Variants in DTWD2 observed in about 807,000 individuals in gnomAD.
The protein encoded by DTWD2 is DTW motif tRNA-uridine aminocarboxypropyltransferase 2, also known as tRNA-uridine aminocarboxypropyltransferase 2.
A neutral mutation model predicts 31.8 loss-of-function variants in DTWD2; 39 were observed. The ratio of observed to expected loss-of-function variants is 1.22; its 90% confidence interval spans 0.95 to 1.60. The LOEUF (loss-of-function observed/expected upper bound fraction) is 1.60. Ranked by LOEUF, DTWD2 falls within the 40% of genes most tolerant of loss-of-function variation. DTWD2 has a pLI of 0.00. For synonymous variants in DTWD2, 180 were observed against 142.8 expected, an observed-to-expected ratio of 1.26 and a Z score of -1.86; for missense variants, 515 against 381.5, an observed-to-expected ratio of 1.35 and a Z score of -2.92.
At chr5:118,866,938 A>C (rs1459892737) in intron 4 of DTWD2, among the ~76,000 whole-genome samples, 1 of 152,130 alleles carries the variant, frequency 6.6e-6, no homozygotes, top group East Asian at 1.9e-4. Flanking sequence ...TGAAAATAAA[A>C]AAATAAACTA....
intron 1 of DTWD2, among the ~76,000 whole-genome samples, chr5:118,953,675 T>C (rs138512789): frequency 5.3e-5 from 8 of 152,312 alleles, no homozygotes; most frequent in East Asian, 1.9e-4. Flanking sequence ...CCTGAGAGCA[T>C]AAAGTTATTA....
intron 1 of DTWD2, among the ~76,000 whole-genome samples, chr5:118,983,591 G>T (rs1755356270): frequency 1.3e-5 from 2 of 151,874 alleles, no homozygotes. Flanking sequence ...ATAAGGAAAA[G>T]GTAATGATAT....
At chr5:118,952,916 A>G (rs1439573942) in intron 1 of DTWD2, among the ~76,000 whole-genome samples, 2 of 152,104 alleles carry the variant, frequency 1.3e-5, no homozygotes, top group African/African-American at 2.4e-5. Flanking sequence ...TTAGATTCCT[A>G]TTAATACTTC....
chr5:118,851,728 C>T (rs893170172), intron 4 of DTWD2, among the ~76,000 whole-genome samples: 8 of 150,530 alleles, frequency 5.3e-5, no homozygotes, highest in East Asian at 2.0e-4. Context: ...TTTGGAGATA[C>T]ACCTAATGTT....
At position 118,847,473 on chromosome 5, in the gene DTWD2, A is replaced by C. The variant is rs146161575; in HGVS notation, c.726+617T>G. Among the ~76,000 whole-genome samples the C allele has an allele frequency of 5.0e-3, 755 of 152,256 alleles. 7 individuals are homozygous for C. The highest frequency in any genetic ancestry group is 7.5e-3 in the Non-Finnish European group (510 of 67,988). Reference sequence around the variant, plus strand: ...ACAAATGCTGTTTCTTGCATGTTCCAAAAGACTGAGATGTTAGTAAGCACA... The same window carrying C: ...ACAAATGCTGTTTCTTGCATGTTCCCAAAGACTGAGATGTTAGTAAGCACA... On this transcript the variant is annotated intron_variant, in intron 5 of 5. Coordinates refer to ENST00000510708, the MANE Select transcript of DTWD2 (RefSeq NM_173666.4).
intron 1 of DTWD2, among the ~76,000 whole-genome samples, chr5:118,946,403 G>A (rs1240725777): frequency 6.6e-6 from 1 of 152,140 alleles, no homozygotes; most frequent in African/African-American, 2.4e-5. Flanking sequence ...CAAACAGATC[G>A]AGGACTGCTA....
At chr5:118,892,001 G>C (rs1040263407) in intron 4 of DTWD2, among the ~76,000 whole-genome samples, 10 of 151,980 alleles carry the variant, frequency 6.6e-5, no homozygotes, top group African/African-American at 2.4e-4. Context: ...ATTTAAAGGA[G>C]TAAAAAAGGT....
At position 118,839,218 on chromosome 5, in the gene DTWD2, A is replaced by G. The variant is rs1751650844; in HGVS notation, c.*1699T>C. On this transcript the variant is annotated 3_prime_UTR_variant, in exon 6 of 6. Coordinates refer to ENST00000510708, the MANE Select transcript of DTWD2 (RefSeq NM_173666.4). ...AAGAAACTCATGAAGTTTAATATCA[A>G]TGTGAAAAATTACTACAAAATGATT... 6.6e-6 allele frequency: 1 copy of G among 152,080 alleles called. No homozygotes were observed. Among genetic ancestry groups the G allele is most frequent in the African/African-American group, 2.4e-5 (1 of 41,434 alleles). The allele number at this position is 152,080 out of a possible 1,614,324, so 9.4% of individuals were successfully genotyped here.
intron 4 of DTWD2, among the ~76,000 whole-genome samples, chr5:118,926,585 CA>C (rs1482399120): frequency 6.6e-6 from 1 of 152,018 alleles, no homozygotes; most frequent in Non-Finnish European, 1.5e-5. Flanking sequence ...AGAAAGAAAT[CA>C]AAACAACTTA....
intron 1 of DTWD2, among the ~76,000 whole-genome samples, chr5:118,965,299 C>A (rs1694883352): frequency 6.8e-6 from 1 of 147,780 alleles, no homozygotes; most frequent in African/African-American, 2.5e-5. Flanking sequence ...CCTCCCCGTC[C>A]GGGAGGTGGG....
In DTWD2 at chr5:118,848,653, G is replaced by C. The variant is rs142896997; in HGVS notation, c.598-435C>G. On this transcript the variant is annotated intron_variant, in intron 4 of 5. Transcript: ENST00000510708. ...CTACAAGGCTACAGTAACCAAAATA[G>C]CAAGGTACTGGTACCAAAACAGATA... 2.9e-3 allele frequency among the ~76,000 whole-genome samples: 437 copies of C among 152,254 alleles called. 3 individuals are homozygous for C. The highest frequency in any genetic ancestry group is 9.9e-3 in the African/African-American group (412 of 41,544).
intron 4 of DTWD2, among the ~76,000 whole-genome samples, chr5:118,910,472 C>T (rs1307912683): frequency 6.6e-6 from 1 of 152,188 alleles, no homozygotes; most frequent in African/African-American, 2.4e-5. Context: ...TTTTTACCAA[C>T]ATTTTAATCA....
chr5:118,980,398 G>T (rs1485677272), intron 1 of DTWD2, among the ~76,000 whole-genome samples: 1 of 152,200 alleles, frequency 6.6e-6, no homozygotes, highest in Non-Finnish European at 1.5e-5. Context: ...TGTGCCTTGA[G>T]TAATAAAGTC....
At chr5:118,910,592 T>C (rs1325578920) in intron 4 of DTWD2, among the ~76,000 whole-genome samples, 1 of 152,200 alleles carries the variant, frequency 6.6e-6, no homozygotes, top group African/African-American at 2.4e-5. Flanking sequence ...TGTAGGCTTT[T>C]TCTAGCATGT....
rs533712194 is a variant in DTWD2, at chr5:118,855,489, A to G, written c.598-7271T>C. On this transcript the variant is annotated intron_variant, in intron 4 of 5. Coordinates refer to ENST00000510708, the MANE Select transcript of DTWD2 (RefSeq NM_173666.4). ...AACTGTTTGATAATACTGCATATAA[A>G]TGGATACCAAGTATATTATACCAAT... 1.2e-4 allele frequency among the ~76,000 whole-genome samples: 19 copies of G among 152,140 alleles called. No individual in the cohort carries two copies. In the South Asian group the frequency reaches 3.1e-3, roughly 25 times the overall value.
intron 5 of DTWD2, among the ~76,000 whole-genome samples, chr5:118,847,677 G>C (rs1021930513): frequency 4.6e-5 from 7 of 151,090 alleles, no homozygotes; most frequent in African/African-American, 1.5e-4. Flanking sequence ...CAGAAAGTTA[G>C]TATACGGCAC....
intron 3 of DTWD2, among the ~76,000 whole-genome samples, chr5:118,929,096 A>G (rs533669566): frequency 1.2e-3 from 178 of 152,352 alleles, no homozygotes; most frequent in Non-Finnish European, 2.0e-3. Flanking sequence ...GCACTGCCTA[A>G]CAATCCTAGC....
chr5:118,892,588 CTTAAA>C (rs905423597), intron 4 of DTWD2, among the ~76,000 whole-genome samples: 2 of 151,956 alleles, frequency 1.3e-5, no homozygotes, highest in African/African-American at 4.8e-5. Flanking sequence ...ATAAATTATA[CTTAAA>C]TTAATTTGAA....
intron 4 of DTWD2, among the ~76,000 whole-genome samples, chr5:118,922,928 G>C (rs1347654437): frequency 6.6e-6 from 1 of 152,004 alleles, no homozygotes; most frequent in Non-Finnish European, 1.5e-5. Flanking sequence ...AATAAAACCA[G>C]CAGGTTATTT....
Sources: allele counts gnomAD v4.1 joint callset (sites outside exome capture counted in the v4.1 genomes callset), GRCh38; gene constraint gnomAD v4.1.1; transcripts MANE v1.5; gene names NCBI Gene and HGNC (gene_info 2026-07-23, HGNC 2026-07-21).